MYO16: variants seen among roughly 807,000 people sequenced by gnomAD.
MYO16 encodes myosin XVI, also known as unconventional myosin-XVI.
MYO16 carries 94 observed loss-of-function variants against 205.3 expected under a neutral mutation model. The observed-to-expected ratio is 0.46, with a 90% CI of 0.39 to 0.54. MYO16 has a LOEUF of 0.54. Among genes scored for constraint, MYO16 ranks in the 20% least tolerant of loss-of-function variants. The pLI, the probability that MYO16 is intolerant of heterozygous loss-of-function variation, is 0.00. For missense variants in MYO16, 2,315 were observed against 2,387.5 expected (o/e 0.97, Z 0.63); for synonymous variants, 988 against 954.0 (o/e 1.04, Z -0.66).
intron 27 of MYO16, among the ~76,000 whole-genome samples, chr13:109,080,612 A>G (rs1423593704): frequency 1.3e-5 from 2 of 152,064 alleles, no homozygotes; most frequent in African/African-American, 4.8e-5. Flanking sequence ...GCTCAGGACA[A>G]ACTGCCACCT....
chr13:108,744,903 C>T (rs912601708), intron 4 of MYO16, among the ~76,000 whole-genome samples: 3 of 152,156 alleles, frequency 2.0e-5, no homozygotes, highest in Non-Finnish European at 2.9e-5. Flanking sequence ...CTTACCATCA[C>T]TAGAATCTAT....
At chr13:109,103,953 A>C (rs751815787) in intron 28 of MYO16, among the ~76,000 whole-genome samples, 2 of 152,112 alleles carry the variant, frequency 1.3e-5, no homozygotes, top group Admixed American at 1.3e-4. Context: ...CATAGTTTTT[A>C]TTTTATTTTA....
intron 32 of MYO16, among the ~76,000 whole-genome samples, chr13:109,163,549 T>C (rs1878496715): frequency 1.5e-5 from 2 of 135,878 alleles, no homozygotes; most frequent in East Asian, 2.6e-4. Flanking sequence ...CTTTCTTTCC[T>C]TTTTTGCTTT....
At chr13:108,970,209 T>C (rs1298681298) in intron 20 of MYO16, among the ~76,000 whole-genome samples, 1 of 152,236 alleles carries the variant, frequency 6.6e-6, no homozygotes, top group African/African-American at 2.4e-5. Context: ...TGAGTTGCCT[T>C]ATACTTATTT....
At position 108,820,393 on chromosome 13, in the gene MYO16, T is replaced by C. The variant is rs754087829; in HGVS notation, c.924T>C (p.Cys308=). 5.2e-5 allele frequency: 83 copies of C among 1,606,858 alleles called. No homozygotes were observed. The highest frequency in any genetic ancestry group is 6.5e-5 in the Non-Finnish European group (77 of 1,176,368). Residue 308 remains cysteine, a synonymous_variant, in exon 8 of 35, where the codon TGT becomes TGC. Transcript: ENST00000457511. The part of the protein sequence containing the change: ...MHQANPHLVN[C]NEEKASDIAA... The stretch of plus-strand genomic sequence containing the variant: ...AGGCAAACCCACACCTCGTGAACTG[T>C]AATGAGGAGAAGGCGTCAGGTAGGT...
chr13:108,679,934 A>G (rs911632243), intron 2 of MYO16, among the ~76,000 whole-genome samples: 1 of 151,994 alleles, frequency 6.6e-6, no homozygotes, highest in Admixed American at 6.6e-5. Flanking sequence ...CAGCTCCTCA[A>G]GCCTCTTCTG....
At chr13:108,809,300 C>T (rs78265576) in intron 7 of MYO16, among the ~76,000 whole-genome samples, 10,778 of 152,246 alleles carry the variant, frequency 0.071, 577 homozygotes, top group African/African-American at 0.15. Flanking sequence ...ATACTTCCTT[C>T]TATTTTCTCA....
intron 20 of MYO16, among the ~76,000 whole-genome samples, chr13:108,985,699 TGTA>T: frequency 6.6e-6 from 1 of 152,230 alleles, no homozygotes. Flanking sequence ...TTGAGCTTCT[TGTA>T]GTAGCCAGAG....
chr13:108,735,163 G>C (rs1265487329), intron 4 of MYO16, among the ~76,000 whole-genome samples: 1 of 152,018 alleles, frequency 6.6e-6, no homozygotes, highest in Non-Finnish European at 1.5e-5. Context: ...TGCACAACCT[G>C]CAGGTTTGTT....
chr13:108,502,231 A>T, the MYO16 span, among the ~76,000 whole-genome samples: 1 of 152,212 alleles, frequency 6.6e-6, no homozygotes, highest in African/African-American at 2.4e-5. Context: ...AAAAGCAATA[A>T]AAAATAAAAT....
chr13:108,602,637 T>G (rs1474353195), intron 1 of MYO16, among the ~76,000 whole-genome samples: 1 of 152,202 alleles, frequency 6.6e-6, no homozygotes, highest in Non-Finnish European at 1.5e-5. Context: ...GAAATCAATC[T>G]GTCTTGACTT....
chr13:108,996,520 T>TTC lies in MYO16; in HGVS notation c.2442+4076_2442+4077dup, dbSNP rs557303139. Among the ~76,000 whole-genome samples, 281 of 152,332 alleles carry TTC rather than the reference T, an allele frequency of 1.8e-3. 1 individual carries two copies. The highest frequency in any genetic ancestry group is 6.5e-3 in the African/African-American group (271 of 41,570). Reference sequence around the variant, plus strand: ...GTGATAAAGATACTAAAAAATGTGTTTCTCTAAGTTCTTGTATCTCAGAGA... The same window carrying TTC: ...GTGATAAAGATACTAAAAAATGTGTTTCTCTCTAAGTTCTTGTATCTCAGAGA... On this transcript the variant is annotated intron_variant, in intron 21 of 34. Transcript: ENST00000457511.
Position 109,013,877 on chromosome 13 carries a change from G to C in MYO16, c.2595+4828G>C, listed in dbSNP as rs191531646. ...GATTCCGGATATTAGCCCTTTGTCA[G>C]ATGGGTAGATTGCAAAAATTTTCTC... is the stretch of plus-strand genomic sequence containing the variant. On this transcript the variant is annotated intron_variant, in intron 22 of 34. Transcript: ENST00000457511. 2.6e-4 allele frequency among the ~76,000 whole-genome samples: 39 copies of C among 152,290 alleles called. No homozygotes were observed. In the Middle Eastern group the frequency reaches 0.014, roughly 53 times the overall value.
intron 20 of MYO16, among the ~76,000 whole-genome samples, chr13:108,968,947 A>G (rs533818697): frequency 1.3e-5 from 2 of 152,344 alleles, no homozygotes; most frequent in Non-Finnish European, 2.9e-5. Flanking sequence ...ACTTACAGCT[A>G]AAGGGGCTTC....
At chr13:108,918,896 C>G (rs1881615754) in intron 16 of MYO16, among the ~76,000 whole-genome samples, 1 of 150,272 alleles carries the variant, frequency 6.7e-6, no homozygotes, top group Admixed American at 6.6e-5. Flanking sequence ...GAGCCAAGAT[C>G]ACACCACTGC....
intron 31 of MYO16, among the ~76,000 whole-genome samples, chr13:109,128,768 G>GTT (rs1172405612): frequency 0.01 from 1,162 of 114,964 alleles, 17 homozygotes; most frequent in Middle Eastern, 0.016. Flanking sequence ...CACTTTTTTA[G>GTT]TTTTTTTTTT....
intron 23 of MYO16, among the ~76,000 whole-genome samples, chr13:109,034,704 C>T (rs1399070690): frequency 6.6e-6 from 1 of 152,144 alleles, no homozygotes; most frequent in African/African-American, 2.4e-5. Context: ...AGTCTTTTAA[C>T]CCTGATAACC....
At position 108,724,647 on chromosome 13, in the gene MYO16, G is replaced by A. The variant is rs1029153855; in HGVS notation, c.364-2793G>A. Among the ~76,000 whole-genome samples, 5 of 151,906 alleles carry A rather than the reference G, an allele frequency of 3.3e-5. No individual in the cohort carries two copies. The East Asian group carries it at 9.6e-4, about 29-fold the overall frequency. On this transcript the variant is annotated intron_variant, in intron 3 of 34. Transcript: ENST00000457511. ...TAACTCTTTAGCGGTATTACGCACG[G>A]TGCATGTTATTTTGGTGGTTGCTTT...
At chr13:108,810,381 G>A (rs562670315) in intron 7 of MYO16, among the ~76,000 whole-genome samples, 1 of 152,236 alleles carries the variant, frequency 6.6e-6, no homozygotes, top group Middle Eastern at 3.4e-3. Context: ...TGCAAAACTG[G>A]AAATATTGAG....
Sources: allele counts gnomAD v4.1 joint callset (sites outside exome capture counted in the v4.1 genomes callset), GRCh38; gene constraint gnomAD v4.1.1; transcripts MANE v1.5; gene names NCBI Gene and HGNC (gene_info 2026-07-23, HGNC 2026-07-21).